PCDH11X: variants seen among roughly 807,000 people sequenced by gnomAD.
The protein encoded by PCDH11X is protocadherin 11 X-linked.
Under a neutral mutation model 53.3 loss-of-function variants are expected in PCDH11X, and 18 were observed. The ratio of observed to expected loss-of-function variants is 0.34; its 90% CI spans 0.23 to 0.50. The LOEUF (loss-of-function observed/expected upper bound fraction) is 0.50. Ranked by LOEUF, PCDH11X falls within the 20% of genes least tolerant of loss-of-function variation. The pLI is 0.98. For missense variants in PCDH11X, 570 were observed against 1,032.4 expected (o/e 0.55, Z 6.14); for synonymous variants, 279 against 393.3 (o/e 0.71, Z 3.44).
intron 6 of PCDH11X, among the ~76,000 whole-genome samples, chrX:92,014,711 A>T (rs1259138618): frequency 8.9e-6 from 1 of 112,254 alleles, no homozygotes; most frequent in East Asian, 2.8e-4. Context: ...AGCCATAAAA[A>T]ATGATGAGCT....
intron 10 of PCDH11X, among the ~76,000 whole-genome samples, chrX:92,522,110 T>C (rs1432298154): frequency 8.9e-6 from 1 of 112,348 alleles, no homozygotes; most frequent in African/African-American, 3.2e-5. Context: ...CAGTCACAAC[T>C]TGGCAAACTA....
At chrX:92,144,566 C>A (rs773817750) in intron 6 of PCDH11X, among the ~76,000 whole-genome samples, 8 of 111,321 alleles carry the variant, frequency 7.2e-5, no homozygotes, top group Non-Finnish European at 7.5e-5. Flanking sequence ...TGAGGCTTCT[C>A]CAGCCATGTG....
At chrX:91,880,088 G>A (rs1438295580) in intron 6 of PCDH11X, 1 of 222,207 alleles carries the variant, frequency 4.5e-6, no homozygotes, top group East Asian at 2.4e-4. Context: ...CAAGAAATCT[G>A]TGCACAATAA....
chrX:92,582,449 G>A (rs1162160234), intron 10 of PCDH11X, among the ~76,000 whole-genome samples: 1 of 109,856 alleles, frequency 9.1e-6, no homozygotes, highest in Non-Finnish European at 1.9e-5. Flanking sequence ...CTTCCACGTG[G>A]TGTTGAGCCT....
chrX:91,976,774 T>G (rs1194691925), intron 6 of PCDH11X, among the ~76,000 whole-genome samples: 1 of 111,693 alleles, frequency 9.0e-6, no homozygotes, highest in African/African-American at 3.3e-5. Context: ...GCAGCCATTT[T>G]TAAAACCAGG....
intron 3 of PCDH11X, among the ~76,000 whole-genome samples, chrX:91,810,908 A>T (rs568999342): frequency 3.6e-5 from 4 of 112,019 alleles, no homozygotes; most frequent in African/African-American, 6.5e-5. Flanking sequence ...AGGTTTATAA[A>T]ACTGTTATAA....
Position 92,410,612 on chromosome X carries a change from T to C in PCDH11X, c.3343+22679T>C, listed in dbSNP as rs1482459223. Among the ~76,000 whole-genome samples the C allele has an allele frequency of 3.0e-5, 3 of 99,187 alleles. No homozygotes were observed. The Admixed American group carries it at 3.3e-4, about 11-fold the overall frequency. The allele number at this position is 99,187 out of a possible 115,157, so 86.1% of individuals were successfully genotyped here. On this transcript the variant is annotated intron_variant, in intron 9 of 10. Coordinates refer to ENST00000682573, the MANE Select transcript of PCDH11X (RefSeq NM_032968.5). ...AGGAAAATATAGGATATTTTTAAAA[T>C]CTAGTTTGTGATTATCATTAGTTTT...
chrX:92,496,636 C>T (rs1164273229), intron 10 of PCDH11X, among the ~76,000 whole-genome samples: 1 of 105,205 alleles, frequency 9.5e-6, no homozygotes, highest in Non-Finnish European at 1.9e-5. Context: ...TATGGCAAAA[C>T]CAAAATTATG....
intron 6 of PCDH11X, among the ~76,000 whole-genome samples, chrX:91,908,541 C>T (rs1276721948): frequency 4.5e-5 from 5 of 111,519 alleles, no homozygotes; most frequent in Non-Finnish European, 7.5e-5. Flanking sequence ...TGGTGGCTCA[C>T]GCCTGTAATC....
chrX:92,597,526 A>T (rs1335597349), intron 10 of PCDH11X, among the ~76,000 whole-genome samples: 7 of 111,980 alleles, frequency 6.3e-5, no homozygotes, highest in South Asian at 7.3e-4. Flanking sequence ...AAAAAATTTC[A>T]GAGAACACCA....
At chrX:92,109,290 G>A (rs1168550557) in intron 6 of PCDH11X, among the ~76,000 whole-genome samples, 1 of 110,584 alleles carries the variant, frequency 9.0e-6, no homozygotes, top group Non-Finnish European at 1.9e-5. Context: ...AGAATTACTG[G>A]TTGAGTCCAG....
intron 10 of PCDH11X, among the ~76,000 whole-genome samples, chrX:92,609,769 T>C (rs1421959201): frequency 1.8e-5 from 2 of 110,725 alleles, no homozygotes; most frequent in Non-Finnish European, 3.8e-5. Flanking sequence ...CTTCTAATAC[T>C]CTTCAGTGTC....
At chrX:91,814,116 G>T (rs1936380109) in intron 4 of PCDH11X, among the ~76,000 whole-genome samples, 1 of 108,815 alleles carries the variant, frequency 9.2e-6, no homozygotes. Context: ...CACAGTGCTG[G>T]ATTACAGAGT....
chrX:92,576,642 T>C (rs1247576377), intron 10 of PCDH11X, among the ~76,000 whole-genome samples: 1 of 110,506 alleles, frequency 9.0e-6, no homozygotes, highest in Non-Finnish European at 1.9e-5. Context: ...TTCAAGCTGA[T>C]AATAACTTAA....
intron 10 of PCDH11X, among the ~76,000 whole-genome samples, chrX:92,616,891 AT>A (rs1455079159): frequency 9.0e-6 from 1 of 111,307 alleles, no homozygotes. Flanking sequence ...TCTCCATTTA[AT>A]TAGATTTTCT....
chrX:92,477,988 G>T (rs907849272), intron 10 of PCDH11X, among the ~76,000 whole-genome samples: 7 of 108,828 alleles, frequency 6.4e-5, no homozygotes, highest in Non-Finnish European at 1.1e-4. Flanking sequence ...ATCTCCATGT[G>T]TCAAGGGAAG....
In PCDH11X at chrX:92,369,798, C is replaced by G. The variant is rs139537391; in HGVS notation, c.3145-17937C>G. Among the ~76,000 whole-genome samples, 544 of 111,135 alleles carry G rather than the reference C, an allele frequency of 4.9e-3. 2 individuals are homozygous for G. Among genetic ancestry groups the G allele is most frequent in the African/African-American group, 0.016 (482 of 30,550 alleles). ...TTCCCAGGTGAAGCGATGCCCCACC[C>G]TGCTTCTGCTCACCCTCCGTGGGTT... On this transcript the variant is annotated intron_variant, in intron 8 of 10. Transcript: ENST00000682573.
At chrX:91,969,555 T>C (rs1425687916) in intron 6 of PCDH11X, among the ~76,000 whole-genome samples, 1 of 110,554 alleles carries the variant, frequency 9.0e-6, no homozygotes, top group East Asian at 2.9e-4. Flanking sequence ...TGCCAACACT[T>C]TGGGAGTCTG....
intron 10 of PCDH11X, among the ~76,000 whole-genome samples, chrX:92,469,991 T>C (rs1273201280): frequency 1.8e-5 from 2 of 109,014 alleles, no homozygotes; most frequent in Non-Finnish European, 3.8e-5. Context: ...TAGATTACTT[T>C]GGGAGTATGA....
Sources: gnomAD v4.1 joint callset for allele counts (sites outside exome capture counted in the v4.1 genomes callset) on GRCh38, gnomAD v4.1.1 for gene constraint, MANE v1.5 for transcripts, NCBI Gene and HGNC (gene_info 2026-07-23, HGNC 2026-07-21) for gene names.